Variants in TCF4 observed in about 807,000 individuals in gnomAD.
The protein encoded by TCF4 is transcription factor 4.
A neutral mutation model predicts 82.1 loss-of-function variants in TCF4; 3 were observed. The observed-to-expected ratio is 0.04, with a 90% CI of 0.02 to 0.09. TCF4 has a LOEUF of 0.09. Ranked by LOEUF, TCF4 falls within the 10% of genes least tolerant of loss-of-function variation. The pLI is 1.00. For missense variants in TCF4, 518 were observed against 852.7 expected (o/e 0.61, Z 4.89); for synonymous variants, 276 against 309.6 (o/e 0.89, Z 1.14).
intron 6 of TCF4, chr18:55,402,384 G>T: frequency 4.5e-6 from 1 of 223,070 alleles, no homozygotes; most frequent in Non-Finnish European, 7.5e-6. Context: ...ATTTTTCAGG[G>T]GTATATTAAA....
At chr18:55,634,112 TA>T (rs1328671126) in intron 1 of TCF4, among the ~76,000 whole-genome samples, 7 of 151,894 alleles carry the variant, frequency 4.6e-5, no homozygotes, top group Admixed American at 6.5e-5. Flanking sequence ...CTACTAAAAA[TA>T]CAAAAATTAG....
chr18:55,375,166 C>T (rs1331785885), intron 6 of TCF4, among the ~76,000 whole-genome samples: 3 of 151,210 alleles, frequency 2.0e-5, no homozygotes, highest in East Asian at 3.9e-4. Flanking sequence ...TATATTAAAC[C>T]CTGCTTGGCC....
At chr18:55,381,158 T>A (rs538677090) in intron 6 of TCF4, among the ~76,000 whole-genome samples, 2 of 152,202 alleles carry the variant, frequency 1.3e-5, no homozygotes, top group Non-Finnish European at 1.5e-5. Context: ...GGGAAATCAT[T>A]ATTAAATCTA....
intron 2 of TCF4, chr18:55,586,331 C>A: frequency 1.5e-6 from 1 of 669,938 alleles, no homozygotes; most frequent in Non-Finnish European, 2.5e-6. Context: ...ACTCATCTGG[C>A]ATTAAAAATG....
intron 5 of TCF4, among the ~76,000 whole-genome samples, chr18:55,430,699 G>A (rs1344512052): frequency 6.6e-6 from 1 of 152,176 alleles, no homozygotes; most frequent in Non-Finnish European, 1.5e-5. Flanking sequence ...TTAACATTGT[G>A]GATGTTGAGG....
Position 55,570,212 on chromosome 18 carries a change from T to C in TCF4, c.145+15068A>G, listed in dbSNP as rs138403240. ...CCACACAAAATCAATCCCAACTGCA[T>C]GGAAAACTTAAATGTGATAGGCAAA... is the stretch of plus-strand genomic sequence containing the variant. On this transcript the variant is annotated intron_variant, in intron 3 of 19. Coordinates refer to ENST00000354452, the MANE Select transcript of TCF4 (RefSeq NM_001083962.2). Among the ~76,000 whole-genome samples, 63 of 152,294 alleles carry C rather than the reference T, an allele frequency of 4.1e-4. 3 individuals are homozygous for C. In the East Asian group the frequency reaches 0.011, roughly 27 times the overall value.
At chr18:55,230,018 A>G (rs1333229490) in intron 17 of TCF4, 3 of 152,266 alleles carry the variant, frequency 2.0e-5, no homozygotes, top group African/African-American at 7.3e-5. Context: ...AGTGATGCAC[A>G]CCTGCGGTCT....
At chr18:55,572,993 C>T (rs1028345231) in intron 3 of TCF4, among the ~76,000 whole-genome samples, 1 of 151,760 alleles carries the variant, frequency 6.6e-6, no homozygotes, top group Non-Finnish European at 1.5e-5. Flanking sequence ...GCAGAGGTTG[C>T]AGTGAGCTGA....
intron 2 of TCF4, among the ~76,000 whole-genome samples, chr18:55,608,414 C>A (rs2097704171): frequency 7.3e-6 from 1 of 137,542 alleles, no homozygotes. Context: ...TTAGTTGTCA[C>A]AGGTCAAAAT....
At chr18:55,559,763 C>A (rs551215326) in intron 3 of TCF4, among the ~76,000 whole-genome samples, 5 of 151,928 alleles carry the variant, frequency 3.3e-5, no homozygotes, top group South Asian at 2.1e-4. Flanking sequence ...TTAAATAAAT[C>A]TTTTTTTCCA....
chr18:55,603,022 A>C (rs527382589), intron 2 of TCF4, among the ~76,000 whole-genome samples: 1 of 152,204 alleles, frequency 6.6e-6, no homozygotes, highest in Non-Finnish European at 1.5e-5. Flanking sequence ...AAAGCTTTAC[A>C]GTTGGGGGAC....
intron 5 of TCF4, among the ~76,000 whole-genome samples, chr18:55,415,336 T>C (rs1300443315): frequency 6.6e-6 from 1 of 152,234 alleles, no homozygotes; most frequent in East Asian, 1.9e-4. Context: ...TTTATAATCA[T>C]GGTAAATATC....
chr18:55,609,286 C>T (rs2097704970), intron 2 of TCF4, among the ~76,000 whole-genome samples: 1 of 152,184 alleles, frequency 6.6e-6, no homozygotes, highest in Non-Finnish European at 1.5e-5. Flanking sequence ...GCCATATATT[C>T]TCAATGAAGC....
At chr18:55,462,538 C>T (rs945136033) in intron 4 of TCF4, among the ~76,000 whole-genome samples, 1 of 152,116 alleles carries the variant, frequency 6.6e-6, no homozygotes, top group African/African-American at 2.4e-5. Flanking sequence ...AAATTATTCA[C>T]CAATATATTC....
rs368143621 is a variant in TCF4 at position 55,307,695 on chromosome 18, T to G, written c.550-28039A>C. Among the ~76,000 whole-genome samples, 10 of 152,278 alleles carry G rather than the reference T, an allele frequency of 6.6e-5. No homozygotes were observed. The East Asian group carries it at 1.2e-3, about 18-fold the overall frequency. ...GTATTTGCATAACAGGAACTAAACG[T>G]GGCACAAGCTGAAAGAGTGCACAGC... On this transcript the variant is annotated intron_variant, in intron 8 of 19. Coordinates refer to ENST00000354452, the MANE Select transcript of TCF4 (RefSeq NM_001083962.2).
At position 55,621,450 on chromosome 18, in the gene TCF4, TATATATA is replaced by T. The variant is rs1431664917; in HGVS notation, c.286+9841_286+9847del. ...ATAATATATAAAAATATATATATAA[TATATATA>T]ATATATAATATATATAAAAATATAA... On this transcript the variant is annotated intron_variant, in intron 2 of 20. Coordinates refer to the TCF4 transcript ENST00000398339. Among the ~76,000 whole-genome samples the T allele has an allele frequency of 2.5e-4, 29 of 114,908 alleles. 1 individual carries two copies. The highest frequency in any genetic ancestry group is 5.6e-4 in the African/African-American group (17 of 30,314). The allele number at this position is 114,908 out of a possible 152,430, so 75.4% of individuals were successfully genotyped here. A position where few individuals can be genotyped will look rare whatever the true frequency, so the allele number is the denominator to read the frequency against.
At position 55,227,941 on chromosome 18, in the gene TCF4, G is replaced by A. The variant is rs141586028; in HGVS notation, c.*94C>T. 2 of 383,524 alleles carry A rather than the reference G, an allele frequency of 5.2e-6. No homozygotes were observed. The highest frequency in any genetic ancestry group is 9.7e-6 in the Non-Finnish European group (2 of 206,462). 23.8% of individuals were successfully genotyped at this position (383,524 alleles called of 1,614,324 possible). A position where few individuals can be genotyped will look rare whatever the true frequency, so the allele number is the denominator to read the frequency against. ...CTTGTCTTATATTACAAAAATGGGG[G>A]TTAAGGAGAAGTGTTTATGTGGGTT... On this transcript the variant is annotated 3_prime_UTR_variant, in exon 20 of 20. Transcript: ENST00000354452.
At position 55,417,174 on chromosome 18, in the gene TCF4, A is replaced by G. The variant is rs79664854; in HGVS notation, c.305-13656T>C. On this transcript the variant is annotated intron_variant, in intron 5 of 19. Coordinates refer to ENST00000354452, the MANE Select transcript of TCF4 (RefSeq NM_001083962.2). ...TCAAAGTTTAAATGCAGTCCCTCAC[A>G]TTTTCAACTGAATCCCTTTGATGAG... Among the ~76,000 whole-genome samples, 225 of 152,264 alleles carry G rather than the reference A, an allele frequency of 1.5e-3. 2 individuals carry two copies. The East Asian group carries it at 0.043, about 29-fold the overall frequency.
intron 7 of TCF4, 152 bp downstream of exon 7, chr18:55,350,722 T>C: frequency 1.0e-6 from 1 of 986,356 alleles, no homozygotes; most frequent in Non-Finnish European, 1.5e-6. Flanking sequence ...CTCAGTGTAC[T>C]AGGGGGGAAG....
Sources: allele counts gnomAD v4.1 joint callset (sites outside exome capture counted in the v4.1 genomes callset), GRCh38; gene constraint gnomAD v4.1.1; transcripts MANE v1.5; gene names NCBI Gene and HGNC (gene_info 2026-07-23, HGNC 2026-07-21).